TRIM33: variants seen among roughly 807,000 people sequenced by gnomAD.
The protein encoded by TRIM33 is E3 ubiquitin-protein ligase TRIM33.
A neutral mutation model predicts 125.4 loss-of-function variants in TRIM33; 20 were observed. The observed-to-expected ratio is 0.16, with a 90% CI of 0.11 to 0.23. The LOEUF (loss-of-function observed/expected upper bound fraction) is 0.23, where lower values mean the gene tolerates loss of function less well. Among genes scored for constraint, TRIM33 ranks in the 10% least tolerant of loss-of-function variants. The pLI, the probability that TRIM33 is intolerant of heterozygous loss-of-function variation, is 1.00. For missense variants in TRIM33, 920 were observed against 1,411.4 expected (o/e 0.65, Z 5.58); for synonymous variants, 564 against 513.9 (o/e 1.10, Z -1.32).
At chr1:114,462,252 T>C (rs992137700) in intron 4 of TRIM33, among the ~76,000 whole-genome samples, 1 of 152,226 alleles carries the variant, frequency 6.6e-6, no homozygotes, top group Non-Finnish European at 1.5e-5. Flanking sequence ...TGGTTGGCAA[T>C]TGGGATTACT....
intron 9 of TRIM33, 21 bp from the exon 10 acceptor site, chr1:114,424,776 A>G: frequency 1.4e-6 from 2 of 1,425,738 alleles, no homozygotes; most frequent in Non-Finnish European, 1.9e-6. Context: ...TAGAAATTGC[A>G]ATTTATGTAA....
intron 11 of TRIM33, among the ~76,000 whole-genome samples, chr1:114,419,451 GA>G (rs1653145437): frequency 1.3e-5 from 2 of 152,078 alleles, no homozygotes; most frequent in African/African-American, 4.8e-5. Context: ...ATAAAACAGG[GA>G]TATTACATAT....
chr1:114,503,593 A>G (rs1344357515), intron 1 of TRIM33, among the ~76,000 whole-genome samples: 1 of 152,240 alleles, frequency 6.6e-6, no homozygotes, highest in African/African-American at 2.4e-5. Flanking sequence ...GATCTTTGAA[A>G]TGTTGACATT....
chr1:114,423,406 C>T (rs905973017), intron 10 of TRIM33, among the ~76,000 whole-genome samples: 3 of 151,908 alleles, frequency 2.0e-5, no homozygotes, highest in African/African-American at 7.3e-5. Flanking sequence ...GGAATTCCAG[C>T]GGATTCATTT....
intron 7 of TRIM33, 132 bp downstream of exon 7, chr1:114,427,616 G>A: frequency 1.1e-6 from 1 of 920,618 alleles, no homozygotes; most frequent in Non-Finnish European, 1.6e-6. Context: ...GGTGGTGGAA[G>A]TTTTCTGTAT....
intron 10 of TRIM33, among the ~76,000 whole-genome samples, chr1:114,424,199 C>A (rs1182339996): frequency 6.6e-6 from 1 of 151,954 alleles, no homozygotes; most frequent in Admixed American, 6.6e-5. Flanking sequence ...ACTCTCAAAG[C>A]CCTTTTTATA....
intron 1 of TRIM33, among the ~76,000 whole-genome samples, chr1:114,498,567 T>C (rs1652515145): frequency 6.6e-6 from 1 of 152,064 alleles, no homozygotes; most frequent in Admixed American, 6.6e-5. Flanking sequence ...AAGAATCGCT[T>C]GACCCAGGGA....
chr1:114,490,084 C>CAAAAAAAAAAAAAAAA (rs776451339), intron 1 of TRIM33, among the ~76,000 whole-genome samples: 2 of 37,644 alleles, frequency 5.3e-5, no homozygotes, highest in African/African-American at 1.0e-4. Flanking sequence ...GACTCCGTCT[C>CAAAAAAAAAAAAAAAA]AAAAAAAAAA....
intron 1 of TRIM33, among the ~76,000 whole-genome samples, chr1:114,472,512 CGCTTCAGTCTAGGAGTTTGAGATCA>C: frequency 1.3e-5 from 2 of 152,288 alleles, no homozygotes; most frequent in South Asian, 4.1e-4. Flanking sequence ...GCGGGCAGAT[CGCTTCAGTCTAGGAGTTTGAGATCA>C]GCCTGGGCAA....
intron 1 of TRIM33, among the ~76,000 whole-genome samples, chr1:114,493,461 T>C (rs1239416258): frequency 6.6e-6 from 1 of 152,196 alleles, no homozygotes; most frequent in Non-Finnish European, 1.5e-5. Context: ...CTTTGTTTTG[T>C]TTTTGTAGAG....
At chr1:114,487,668 C>T (rs1043384563) in intron 1 of TRIM33, among the ~76,000 whole-genome samples, 9 of 151,164 alleles carry the variant, frequency 6.0e-5, no homozygotes, top group Non-Finnish European at 1.2e-4. Flanking sequence ...GAGGCCGAGG[C>T]GGGTGGATCA....
chr1:114,420,566 T>C, intron 11 of TRIM33: 1 of 508,386 alleles, frequency 2.0e-6, no homozygotes, highest in Middle Eastern at 3.2e-4. Context: ...CGACCTTCAA[T>C]TCCCCAGAAC....
At chr1:114,456,932 G>GA (rs1179716560) in intron 4 of TRIM33, among the ~76,000 whole-genome samples, 1 of 152,106 alleles carries the variant, frequency 6.6e-6, no homozygotes, top group Non-Finnish European at 1.5e-5. Flanking sequence ...CCTAAATGGT[G>GA]AAAAAATCCT....
intron 1 of TRIM33, among the ~76,000 whole-genome samples, chr1:114,486,546 C>CAAA (rs372795084): frequency 1.3e-3 from 85 of 65,132 alleles, no homozygotes; most frequent in South Asian, 3.0e-3. Context: ...GACCCTATCT[C>CAAA]AAAAAAAAAA....
intron 15 of TRIM33, chr1:114,404,939 A>G (rs1043494735): frequency 6.6e-6 from 1 of 152,248 alleles, no homozygotes; most frequent in Non-Finnish European, 1.5e-5. Context: ...AACAAGTATG[A>G]CTCTACTATT....
At chr1:114,474,570 T>C (rs1212051873) in intron 1 of TRIM33, among the ~76,000 whole-genome samples, 2 of 119,160 alleles carry the variant, frequency 1.7e-5, no homozygotes, top group African/African-American at 3.4e-5. Flanking sequence ...CAAGACCTTG[T>C]CTCTATTTAA....
chr1:114,457,403 GA>G (rs978094647), intron 4 of TRIM33, among the ~76,000 whole-genome samples: 1 of 151,986 alleles, frequency 6.6e-6, no homozygotes, highest in Non-Finnish European at 1.5e-5. Flanking sequence ...CAACACTGTA[GA>G]AAAAAATAGC....
At chr1:114,404,745 C>T (rs904082002) in intron 15 of TRIM33, 5 of 150,626 alleles carry the variant, frequency 3.3e-5, no homozygotes, top group Admixed American at 3.3e-4. Context: ...AAGGTTAACA[C>T]TTTCAAAGAG....
At chr1:114,452,051 G>T (rs892753823) in intron 4 of TRIM33, among the ~76,000 whole-genome samples, 1 of 151,490 alleles carries the variant, frequency 6.6e-6, no homozygotes, top group African/African-American at 2.4e-5. Flanking sequence ...AAAGATAAAA[G>T]AAAACTGTGA....
Sources: allele counts gnomAD v4.1 joint callset (sites outside exome capture counted in the v4.1 genomes callset), GRCh38; gene constraint gnomAD v4.1.1; transcripts MANE v1.5; gene names NCBI Gene and HGNC (gene_info 2026-07-23, HGNC 2026-07-21).